Variants in SPTBN2 observed in about 807,000 individuals in gnomAD.
The protein encoded by SPTBN2 is spectrin beta, non-erythrocytic 2, also known as spectrin beta chain, non-erythrocytic 2.
SPTBN2 carries 107 observed loss-of-function variants against 284.2 expected under a neutral mutation model. The observed-to-expected ratio is 0.38, with a 90% CI of 0.32 to 0.44. SPTBN2 has a LOEUF of 0.44. SPTBN2 is among the 20% of genes least tolerant of loss of function. The pLI is 1.00. For missense variants in SPTBN2, 2,569 were observed against 3,287.1 expected (o/e 0.78, Z 5.34); for synonymous variants, 1,289 against 1,354.8 (o/e 0.95, Z 1.07).
intron 19 of SPTBN2, 59 bp downstream of exon 19, chr11:66,698,933 T>G: frequency 6.2e-7 from 1 of 1,607,294 alleles, no homozygotes; most frequent in Non-Finnish European, 8.5e-7. Context: ...GGACTTATTC[T>G]AGGCTCAAGG....
chr11:66,731,846 T>C (rs1942816321), upstream of SPTBN2, among the ~76,000 whole-genome samples: 2 of 152,210 alleles, frequency 1.3e-5, no homozygotes, highest in African/African-American at 4.8e-5. Context: ...TCTGGGGATA[T>C]AATGATGAGT....
Position 66,693,061 on chromosome 11 carries a change from C to A in SPTBN2, c.4894G>T (p.Val1632Leu), listed in dbSNP as rs932028407. The A allele has an allele frequency of 1.2e-6, 2 of 1,613,956 alleles. No homozygotes were observed. Among genetic ancestry groups the A allele is most frequent in the Non-Finnish European group, 8.5e-7 (1 of 1,180,040 alleles). ...SAQAEVKKHQ[V>L]LEQALADYAQ... ...TAGTCGGCCAGGGCTTGCTCCAGCA[C>A]CTGGTGCTTCTTCACCTCTGCCTGG... The change falls in exon 25 of 38, where the codon GTG becomes TTG. Residue 1632 changes from valine to leucine, a missense_variant. This residue lies in a region of SPTBN2 where 1,130 missense variants were observed against 1,317.3 expected (regional missense o/e 0.86). Coordinates refer to ENST00000533211, the MANE Select transcript of SPTBN2 (RefSeq NM_006946.4). This position sits in a 1 kb window ranked among gnomAD's most constrained non-coding sequence, Gnocchi z 5.7.
chr11:66,736,800 T>C (rs1259370340), intron 1 of SPTBN2, among the ~76,000 whole-genome samples: 1 of 152,234 alleles, frequency 6.6e-6, no homozygotes, highest in Non-Finnish European at 1.5e-5. Flanking sequence ...TCTTTGAAGC[T>C]ATAGACATTT....
intron 1 of SPTBN2, among the ~76,000 whole-genome samples, chr11:66,744,242 A>C (rs531647815): frequency 1.3e-5 from 2 of 152,342 alleles, no homozygotes; most frequent in Non-Finnish European, 2.9e-5. Flanking sequence ...TGGTTATAAA[A>C]AAAATTCGCT....
intron 1 of SPTBN2, among the ~76,000 whole-genome samples, chr11:66,726,175 T>A (rs1273498683): frequency 6.6e-6 from 1 of 152,208 alleles, no homozygotes; most frequent in Non-Finnish European, 1.5e-5. Flanking sequence ...GGCCATGGAA[T>A]TAATGTCTTT....
chr11:66,698,620 C>A lies in SPTBN2; in HGVS notation c.4014+19G>T. ...CATGGGGGACTCTGCCCAGAGGCAG[C>A]CCCCACAGCACTGCTCACCTTGTCC... is the stretch of plus-strand genomic sequence containing the variant. On this transcript the variant is annotated intron_variant, in intron 20 of 37. Transcript: ENST00000533211. 1 of 1,614,050 alleles carries A rather than the reference C, an allele frequency of 6.2e-7. No homozygotes were observed. Among genetic ancestry groups the A allele is most frequent in the Non-Finnish European group, 8.5e-7 (1 of 1,180,008 alleles).
chr11:66,702,264 T>G (rs942406994), intron 15 of SPTBN2, among the ~76,000 whole-genome samples: 1 of 152,162 alleles, frequency 6.6e-6, no homozygotes, highest in African/African-American at 2.4e-5. Flanking sequence ...CCTCCCGGGT[T>G]CAAGCAATTT....
At position 66,700,517 on chromosome 11, in the gene SPTBN2, G is replaced by A; in HGVS notation, c.3573+9C>T. The A allele has an allele frequency of 6.2e-7, 1 of 1,602,464 alleles. No homozygotes were observed. Among genetic ancestry groups the A allele is most frequent in the Non-Finnish European group, 8.5e-7 (1 of 1,179,950 alleles). On this transcript the variant is annotated intron_variant, in intron 17 of 37. Transcript: ENST00000533211. The surrounding 1 kb of genome is among the most constrained non-coding windows in gnomAD (Gnocchi z 6.6). ...TCCTCCTGCTTGGGACTTTGCCCTG[G>A]ACTTTCACCTGGCTGCTGAGCACGC...
At chr11:66,713,803 G>A in intron 7 of SPTBN2, 57 bp from the exon 8 acceptor site, 3 of 1,386,808 alleles carry the variant, frequency 2.2e-6, no homozygotes, top group Non-Finnish European at 3.1e-6. Context: ...CGAAGAGGAA[G>A]AGGAAACCCA....
rs769825343 is a variant in SPTBN2, at chr11:66,710,827, C to T, written c.886-58G>A. 144 of 1,612,012 alleles carry T rather than the reference C, an allele frequency of 8.9e-5. No homozygotes were observed. Among genetic ancestry groups the T allele is most frequent in the Non-Finnish European group, 1.1e-4 (134 of 1,179,080 alleles). ...CAGCCACAGGGTCCCTGGCCCAGTC[C>T]TGCAGCTCCACCCTGCCCTTGCACT... is the stretch of plus-strand genomic sequence containing the variant. On this transcript the variant is annotated intron_variant, in intron 9 of 37. Coordinates refer to ENST00000533211, the MANE Select transcript of SPTBN2 (RefSeq NM_006946.4). This position sits in a 1 kb window ranked among gnomAD's most constrained non-coding sequence, Gnocchi z 4.9.
rs1005868514 is a variant in SPTBN2, at chr11:66,693,541, C to T, written c.4594-95G>A. 1.1e-4 allele frequency: 165 copies of T among 1,529,094 alleles called. No homozygotes were observed. The highest frequency in any genetic ancestry group is 1.4e-4 in the Non-Finnish European group (154 of 1,140,732). 94.7% of individuals were successfully genotyped at this position (1,529,094 alleles called of 1,614,324 possible). On this transcript the variant is annotated intron_variant, in intron 23 of 37. Coordinates refer to ENST00000533211, the MANE Select transcript of SPTBN2 (RefSeq NM_006946.4). The surrounding 1 kb of genome is among the most constrained non-coding windows in gnomAD (Gnocchi z 5.7). ...CTTCACCCCTGTGCCTCTCTCCTTC[C>T]TGGGTCCTCTGCTCCCTCTCCTAGC...
intron 10 of SPTBN2, among the ~76,000 whole-genome samples, chr11:66,709,621 T>C (rs1565144289): frequency 6.6e-6 from 1 of 152,276 alleles, no homozygotes; most frequent in Non-Finnish European, 1.5e-5. Context: ...ATAAACATCC[T>C]TGAAGCTACA....
At position 66,692,675 on chromosome 11, in the gene SPTBN2, C is replaced by A. The variant is rs781712272; in HGVS notation, c.5051G>T (p.Gly1684Val). Residue 1684 changes from glycine (G) to valine (V), a missense_variant, in exon 26 of 38, where the codon GGA (glycine) becomes GTA (valine). Coordinates refer to ENST00000533211, the MANE Select transcript of SPTBN2 (RefSeq NM_006946.4). ...CTCCTGCAGGCGCTCCCGCCGCTCT[C>A]CAGCCAGCTCCTTCAGGCCGGCATA... ...KLYAGLKELA[G>V]ERRERLQEHL... 2 of 1,605,430 alleles carry A rather than the reference C, an allele frequency of 1.2e-6. No individual in the cohort carries two copies. The highest frequency in any genetic ancestry group is 2.2e-5 in the South Asian group (2 of 91,082).
chr11:66,692,905 C>T, intron 25 of SPTBN2, 65 bp downstream of exon 25: 2 of 1,597,768 alleles, frequency 1.3e-6, no homozygotes, highest in East Asian at 2.2e-5. Flanking sequence ...TCCACATTCC[C>T]TGCACCTTCC....
Position 66,693,323 on chromosome 11 carries a change from G to T in SPTBN2, c.4717C>A (p.Leu1573Met), listed in dbSNP as rs1468858442. 6.2e-7 allele frequency: 1 copy of T among 1,611,764 alleles called. No individual in the cohort carries two copies. Among genetic ancestry groups the T allele is most frequent in the Admixed American group, 1.7e-5 (1 of 60,030 alleles). Residue 1573 changes from leucine to methionine, a missense_variant, in exon 24 of 38, where the codon CTG (leucine) becomes ATG (methionine). Leu to Met is a conservative substitution (Grantham distance 15). Around this residue, in one of 6 missense-constraint regions of SPTBN2, gnomAD observed 1,130 missense variants for 1,317.3 expected, o/e 0.86. Transcript: ENST00000533211. The surrounding 1 kb of genome is among the most constrained non-coding windows in gnomAD (Gnocchi z 5.7). ...CCTCGAAGTTCCAGCTCGTGGCCCA[G>T]GCGTTTCCACATTTCCTGCAGCTCA... is the stretch of plus-strand genomic sequence containing the variant. ...LAELQEMWKRLGHELELRGKR... is the reference protein window; with the variant it reads ...LAELQEMWKRMGHELELRGKR...
In SPTBN2 at chr11:66,705,020, G is replaced by A. The variant is rs780850736; in HGVS notation, c.2256C>T (p.Phe752=). Residue 752 remains phenylalanine, a synonymous_variant, in exon 15 of 38, where the codon TTC becomes TTT. Coordinates refer to ENST00000533211, the MANE Select transcript of SPTBN2 (RefSeq NM_006946.4). ...CCTCCATGTCGTTTGCATCGGCCTG[G>A]AACTGGTAGAGGCTGGCGGCTTGGG... The part of the protein sequence containing the change: ...RLAQAASLYQ[F]QADANDMEAW... 2 of 1,603,082 alleles carry A rather than the reference G, an allele frequency of 1.2e-6. No individual in the cohort carries two copies. The highest frequency in any genetic ancestry group is 1.7e-5 in the Admixed American group (1 of 60,010).
At chr11:66,686,634 A>C (rs1443247919) in intron 36 of SPTBN2, 194 bp from the exon 37 acceptor site, 1 of 692,352 alleles carries the variant, frequency 1.4e-6, no homozygotes, top group Non-Finnish European at 2.5e-6. Context: ...GACTGGCCCC[A>C]GAGGCAGGGG....
Position 66,689,841 on chromosome 11 carries a change from C to T in SPTBN2, c.5913G>A (p.Lys1971=), listed in dbSNP as rs1479385972. 1 of 1,614,162 alleles carries T rather than the reference C, an allele frequency of 6.2e-7. No homozygotes were observed. Among genetic ancestry groups the T allele is most frequent in the Middle Eastern group, 1.7e-4 (1 of 6,046 alleles). The change falls in exon 29 of 38, where the codon AAG becomes AAA. Residue 1971 remains lysine, a synonymous_variant. Transcript: ENST00000533211. ...CATAGTGGCTCCTGGCCAGCAGCTC[C>T]TTCCCCATGTCGATGCAGGAGGAGA... is the stretch of plus-strand genomic sequence containing the variant. The part of the protein sequence containing the change: ...DRFSSCIDMG[K]ELLARSHYAA...
chr11:66,697,704 C>T (rs1254691624), intron 20 of SPTBN2, among the ~76,000 whole-genome samples: 2 of 152,174 alleles, frequency 1.3e-5, no homozygotes, highest in Non-Finnish European at 2.9e-5. Flanking sequence ...CAGGCTTCAA[C>T]GGGGCCACTC....
Sources: gnomAD v4.1 joint callset for allele counts (sites outside exome capture counted in the v4.1 genomes callset) on GRCh38, gnomAD v4.1.1 for gene constraint, gnomAD v4.1.1 regional missense constraint, Gnocchi (gnomAD v3.1) non-coding constraint, MANE v1.5 for transcripts, NCBI Gene and HGNC (gene_info 2026-07-23, HGNC 2026-07-21) for gene names.